The following OPCML variants were observed in gnomAD, a reference collection of about 807,000 sequenced individuals.
OPCML encodes the protein opioid binding protein/cell adhesion molecule like.
A neutral mutation model predicts 37.8 loss-of-function variants in OPCML; 13 were observed. The observed-to-expected ratio is 0.34, with a 90% confidence interval of 0.22 to 0.55. OPCML has a LOEUF of 0.55. Ranked by LOEUF, OPCML falls within the 20% of genes least tolerant of loss-of-function variation. The pLI, the probability that OPCML is intolerant of heterozygous loss-of-function variation, is 0.91. For synonymous variants in OPCML, 176 were observed against 168.8 expected (o/e 1.04, Z -0.33); for missense variants, 341 against 435.6 (o/e 0.78, Z 1.93).
intron 2 of OPCML, among the ~76,000 whole-genome samples, chr11:132,846,227 A>G (rs1239251316): frequency 6.6e-6 from 1 of 152,184 alleles, no homozygotes. Context: ...CAAGGGCCTC[A>G]TTGTCTCAAT....
At chr11:132,443,258 C>T (rs926935840) in intron 4 of OPCML, among the ~76,000 whole-genome samples, 1 of 152,162 alleles carries the variant, frequency 6.6e-6, no homozygotes, top group African/African-American at 2.4e-5. Context: ...TCTAGGGTTT[C>T]AGGAGGCAGC....
At chr11:133,323,680 T>A (rs1468457637) in intron 1 of OPCML, among the ~76,000 whole-genome samples, 5 of 152,064 alleles carry the variant, frequency 3.3e-5, no homozygotes, top group Non-Finnish European at 4.4e-5. Flanking sequence ...GAAGTGAATA[T>A]CACAGTCCAG....
At chr11:132,462,142 A>G (rs1176056534) in intron 4 of OPCML, among the ~76,000 whole-genome samples, 2 of 152,200 alleles carry the variant, frequency 1.3e-5, no homozygotes, top group African/African-American at 4.8e-5. Flanking sequence ...AGAATAGAAT[A>G]GAATAAGTAG....
intron 3 of OPCML, among the ~76,000 whole-genome samples, chr11:132,617,264 T>C (rs1281406726): frequency 6.6e-6 from 1 of 152,206 alleles, no homozygotes; most frequent in Non-Finnish European, 1.5e-5. Flanking sequence ...AGGAAGTATT[T>C]ATTTTGGAGG....
chr11:133,015,451 GGAATGAAGGAAGGAAGGAAGGAAGGAAT>G (rs1947313500), intron 1 of OPCML, among the ~76,000 whole-genome samples: 3 of 124,622 alleles, frequency 2.4e-5, no homozygotes, highest in African/African-American at 8.4e-5. Context: ...AAGGAAGGAA[GGAATGAAGGAAGGAAGGAAGGAAGGAAT>G]GAAGGAAGGA....
chr11:133,296,134 A>G (rs764663684), intron 1 of OPCML, among the ~76,000 whole-genome samples: 6 of 152,242 alleles, frequency 3.9e-5, no homozygotes, highest in African/African-American at 4.8e-5. Flanking sequence ...TCCGTAAATG[A>G]TACAGAACTA....
chr11:132,937,350 G>T (rs955275813), intron 2 of OPCML, among the ~76,000 whole-genome samples: 4 of 152,270 alleles, frequency 2.6e-5, no homozygotes, highest in African/African-American at 7.2e-5. Flanking sequence ...ACTTAAAAAG[G>T]TTAAACAATT....
Position 132,657,175 on chromosome 11 carries a change from A to T in OPCML, c.291T>A (p.Asn97Lys). The T allele has an allele frequency of 6.2e-7, 1 of 1,614,204 alleles. No individual in the cohort carries two copies. Among genetic ancestry groups the T allele is most frequent in the South Asian group, 1.1e-5 (1 of 91,084 alleles). Residue 97 changes from asparagine (N) to lysine (K), a missense_variant, in exon 3 of 8, where the codon AAT becomes AAA. Asn to Lys is a moderately conservative substitution (Grantham distance 94). Coordinates refer to ENST00000524381, the MANE Select transcript of OPCML (RefSeq NM_001012393.5). ...ACGGACCTTCGTCATACACATCCAC[A>T]TTTTGGATCATGATGCTGTACTGGG... The part of the protein sequence containing the change: ...TPTQYSIMIQ[N>K]VDVYDEGPYT...
intron 1 of OPCML, among the ~76,000 whole-genome samples, chr11:133,169,992 GAA>G (rs34416121): frequency 1.3e-4 from 19 of 151,624 alleles, no homozygotes; most frequent in African/African-American, 3.4e-4. Flanking sequence ...TTTAAAATAG[GAA>G]AAAAAAAGTT....
chr11:133,004,664 G>T (rs1387867534), intron 1 of OPCML: 1 of 985,336 alleles, frequency 1.0e-6, no homozygotes, highest in Admixed American at 6.1e-5. Context: ...AGCTGGCGAG[G>T]GACCATGCCC....
intron 4 of OPCML, 179 bp from the exon 5 acceptor site, chr11:132,437,538 A>C (rs564546268): frequency 2.3e-5 from 21 of 931,464 alleles, no homozygotes; most frequent in Non-Finnish European, 2.6e-5. Flanking sequence ...GGAAGAAAGA[A>C]ATTCTGTGCT....
intron 1 of OPCML, among the ~76,000 whole-genome samples, chr11:133,275,324 AT>A (rs111940938): frequency 1.3e-5 from 2 of 151,812 alleles, no homozygotes; most frequent in Non-Finnish European, 2.9e-5. Flanking sequence ...TTAGGTGCCA[AT>A]TTTTTTTTAT....
At chr11:132,794,487 G>C (rs1008003110) in intron 2 of OPCML, among the ~76,000 whole-genome samples, 1 of 152,108 alleles carries the variant, frequency 6.6e-6, no homozygotes, top group African/African-American at 2.4e-5. Flanking sequence ...TTCAGATTTG[G>C]AATCCTTGGA....
At chr11:132,574,449 G>A (rs1201858598) in intron 3 of OPCML, among the ~76,000 whole-genome samples, 1 of 151,042 alleles carries the variant, frequency 6.6e-6, no homozygotes, top group Non-Finnish European at 1.5e-5. Context: ...ATAAGTTTTT[G>A]TATATCGTAT....
In OPCML at chr11:132,848,050, G is replaced by A. The variant is rs139418162; in HGVS notation, c.146+94876C>T. ...CAGTGAAATTGATCAAGTCCCTATC[G>A]TATTGAGAAGAAAAATGATATAAGC... On this transcript the variant is annotated intron_variant, in intron 2 of 7. Transcript: ENST00000524381. Among the ~76,000 whole-genome samples, 630 of 152,258 alleles carry A rather than the reference G, an allele frequency of 4.1e-3. 4 individuals carry two copies. Among genetic ancestry groups the A allele is most frequent in the African/African-American group, 0.014 (594 of 41,562 alleles).
chr11:132,703,205 A>G (rs558666070), intron 2 of OPCML, among the ~76,000 whole-genome samples: 16 of 152,282 alleles, frequency 1.1e-4, no homozygotes, highest in Middle Eastern at 3.4e-3. Context: ...ACTAAGCTAT[A>G]TGGTATATAG....
chr11:133,429,688 G>A (rs1946078245), intron 1 of OPCML, among the ~76,000 whole-genome samples: 1 of 152,094 alleles, frequency 6.6e-6, no homozygotes, highest in African/African-American at 2.4e-5. Flanking sequence ...AAAGAGAAGG[G>A]TCAAGAGTGA....
At chr11:133,178,718 G>A (rs1937672902) in intron 1 of OPCML, among the ~76,000 whole-genome samples, 1 of 152,092 alleles carries the variant, frequency 6.6e-6, no homozygotes, top group African/African-American at 2.4e-5. Flanking sequence ...TGCCAGAGAA[G>A]GACCAAGTGA....
At chr11:132,550,991 C>T (rs1046510833) in intron 3 of OPCML, among the ~76,000 whole-genome samples, 1 of 152,198 alleles carries the variant, frequency 6.6e-6, no homozygotes, top group Non-Finnish European at 1.5e-5. Flanking sequence ...GAATCTGGCT[C>T]ATTTACAAAT....
Sources: gnomAD v4.1 joint callset for allele counts (sites outside exome capture counted in the v4.1 genomes callset) on GRCh38, gnomAD v4.1.1 for gene constraint, MANE v1.5 for transcripts, NCBI Gene and HGNC (gene_info 2026-07-23, HGNC 2026-07-21) for gene names.